The following NBEA variants were observed in gnomAD, a reference collection of about 807,000 sequenced individuals.
NBEA encodes the protein neurobeachin.
NBEA carries 44 observed loss-of-function variants against 343.4 expected under a neutral mutation model. That is an observed-to-expected ratio of 0.13 (90% CI 0.10 to 0.16). The LOEUF (loss-of-function observed/expected upper bound fraction) is 0.16. NBEA is among the 10% of genes least tolerant of loss of function. NBEA has a pLI of 1.00. For missense variants in NBEA, 2,555 were observed against 3,631.3 expected (o/e 0.70, Z 7.62); for synonymous variants, 1,175 against 1,238.7 (o/e 0.95, Z 1.08).
At chr13:35,281,998 C>T (rs2035083713) in intron 34 of NBEA, among the ~76,000 whole-genome samples, 1 of 151,938 alleles carries the variant, frequency 6.6e-6, no homozygotes, top group South Asian at 2.1e-4. Context: ...CTGCAAGCTC[C>T]ACCTTCCGGG....
In NBEA at chr13:35,324,982, T is replaced by C. The variant is rs183711641; in HGVS notation, c.5903+15390T>C. 2.2e-3 allele frequency among the ~76,000 whole-genome samples: 335 copies of C among 152,212 alleles called. 3 individuals are homozygous for C. Among genetic ancestry groups the C allele is most frequent in the African/African-American group, 7.7e-3 (322 of 41,552 alleles). On this transcript the variant is annotated intron_variant, in intron 36 of 58. Transcript: ENST00000379939. ...TCTAATGAAGCAAATGTGGTCCTAA[T>C]TTTAGTTGGAAAAGATAAAATCTGT...
chr13:35,610,194 G>A (rs563507438), intron 48 of NBEA, among the ~76,000 whole-genome samples: 21 of 152,198 alleles, frequency 1.4e-4, no homozygotes, highest in African/African-American at 4.6e-4. Context: ...GGCAAAACAG[G>A]CTTTAAAGAT....
At chr13:35,512,889 G>GC (rs1433564177) in intron 41 of NBEA, among the ~76,000 whole-genome samples, 1 of 152,206 alleles carries the variant, frequency 6.6e-6, no homozygotes, top group Non-Finnish European at 1.5e-5. Flanking sequence ...TCAGAAGGCA[G>GC]CTGCAGGCTG....
chr13:35,032,969 T>C (rs1378819859), intron 1 of NBEA, among the ~76,000 whole-genome samples: 3 of 151,844 alleles, frequency 2.0e-5, no homozygotes. Flanking sequence ...CTTCACTTTG[T>C]TGATTGTTTC....
chr13:35,536,925 G>A (rs368567629), intron 41 of NBEA, among the ~76,000 whole-genome samples: 136 of 152,260 alleles, frequency 8.9e-4, no homozygotes, highest in Middle Eastern at 3.4e-3. Context: ...TTCTAAATCC[G>A]ATATACCCCT....
At chr13:35,144,136 G>A (rs1231855507) in intron 18 of NBEA, among the ~76,000 whole-genome samples, 1 of 152,164 alleles carries the variant, frequency 6.6e-6, no homozygotes, top group Non-Finnish European at 1.5e-5. Context: ...TTAAGGAAAA[G>A]TACAGAGAGT....
At chr13:35,573,952 T>C (rs1444376969) in intron 45 of NBEA, among the ~76,000 whole-genome samples, 1 of 152,316 alleles carries the variant, frequency 6.6e-6, no homozygotes, top group East Asian at 1.9e-4. Flanking sequence ...ATCTTGAAAC[T>C]AATTTGTAGC....
In NBEA at chr13:35,671,624, C is replaced by G. The variant is rs1480598465; in HGVS notation, c.*633C>G. On this transcript the variant is annotated 3_prime_UTR_variant, in exon 59 of 59. Coordinates refer to ENST00000379939, the MANE Select transcript of NBEA (RefSeq NM_001385012.1). ...CTTGTATGAAAGGGTTGAATTTGGG[C>G]TCCATCAGTAATTTTTGACATTTTC... 6.6e-6 allele frequency: 1 copy of G among 152,610 alleles called. No homozygotes were observed. Among genetic ancestry groups the G allele is most frequent in the Non-Finnish European group, 1.5e-5 (1 of 68,038 alleles). The allele number at this position is 152,610 out of a possible 1,614,324, so 9.5% of individuals were successfully genotyped here. A position where few individuals can be genotyped will look rare whatever the true frequency, so the allele number is the denominator to read the frequency against.
chr13:35,537,397 A>T (rs909289064), intron 41 of NBEA, among the ~76,000 whole-genome samples: 1 of 152,140 alleles, frequency 6.6e-6, no homozygotes, highest in Non-Finnish European at 1.5e-5. Flanking sequence ...ATCATTCAAC[A>T]GATTTTTTAC....
chr13:35,080,623 G>A (rs1451540850), intron 10 of NBEA, among the ~76,000 whole-genome samples: 4 of 152,270 alleles, frequency 2.6e-5, no homozygotes, highest in East Asian at 1.9e-4. Context: ...ATAGCAGTTT[G>A]GGTATTTGGT....
At chr13:35,270,869 A>G (rs1423888670) in intron 34 of NBEA, among the ~76,000 whole-genome samples, 1 of 152,212 alleles carries the variant, frequency 6.6e-6, no homozygotes, top group African/African-American at 2.4e-5. Flanking sequence ...AGAGCCCACC[A>G]CAGCCCAGCA....
intron 34 of NBEA, among the ~76,000 whole-genome samples, chr13:35,286,354 A>T (rs73169718): frequency 6.6e-6 from 1 of 152,068 alleles, no homozygotes; most frequent in Non-Finnish European, 1.5e-5. Context: ...ATATTTACTG[A>T]TAATATATTC....
rs143263254 is a variant in NBEA at position 34,954,468 on chromosome 13, A to G, written c.294+11354A>G. ...TATAGTTAGTTTGCTTGTTTCAGTC[A>G]TATTCAGCTTCGGCACAAATCTTAT... On this transcript the variant is annotated intron_variant, in intron 1 of 58. Coordinates refer to ENST00000379939, the MANE Select transcript of NBEA (RefSeq NM_001385012.1). 3.8e-3 allele frequency among the ~76,000 whole-genome samples: 573 copies of G among 152,308 alleles called. 3 individuals carry two copies. Among genetic ancestry groups the G allele is most frequent in the African/African-American group, 0.013 (553 of 41,570 alleles).
chr13:35,016,379 G>A (rs2061657859), intron 1 of NBEA, among the ~76,000 whole-genome samples: 1 of 152,086 alleles, frequency 6.6e-6, no homozygotes, highest in Non-Finnish European at 1.5e-5. Context: ...ACATCTAACT[G>A]GGATGTATAC....
Position 35,040,974 on chromosome 13 carries a change from C to T in NBEA, c.336C>T (p.Ile112=), listed in dbSNP as rs754269165. The change falls in exon 2 of 59, where the codon ATC becomes ATT. Residue 112 remains isoleucine, a synonymous_variant. Coordinates refer to ENST00000379939, the MANE Select transcript of NBEA (RefSeq NM_001385012.1). The part of the protein sequence containing the change: ...GEFDLEMNFI[I]QDAESITCMT... Reference sequence around the variant, plus strand: ...TTGACTTGGAGATGAACTTTATTATCCAGGATGCTGAGAGTATAACATGTA... The same window carrying T: ...TTGACTTGGAGATGAACTTTATTATTCAGGATGCTGAGAGTATAACATGTA... 6.2e-7 allele frequency: 1 copy of T among 1,613,090 alleles called. No individual in the cohort carries two copies. The highest frequency in any genetic ancestry group is 1.1e-5 in the South Asian group (1 of 91,052).
chr13:35,613,269 G>A (rs1253037001), intron 48 of NBEA, among the ~76,000 whole-genome samples: 1 of 150,432 alleles, frequency 6.6e-6, no homozygotes. Flanking sequence ...GACTTTTTTA[G>A]ATTCCATACA....
chr13:35,550,553 T>G lies in NBEA; in HGVS notation c.6662T>G (p.Leu2221Arg). The change falls in exon 42 of 59, where the codon CTT (leucine) becomes CGT (arginine). Residue 2221 changes from leucine to arginine, a missense_variant. By Grantham distance (102) the Leu-to-Arg change is moderately radical. Transcript: ENST00000379939. ...CGAGCTGTATTTTCAAGACGTTACCTTCTACAAAACACTGCTTTGGAAGTA... is the reference window on the plus strand; with the variant it reads ...CGAGCTGTATTTTCAAGACGTTACCGTCTACAAAACACTGCTTTGGAAGTA... ...EIRAVFSRRYLLQNTALEVFM... is the reference protein window; with the variant it reads ...EIRAVFSRRYRLQNTALEVFM... 5 of 1,613,334 alleles carry G rather than the reference T, an allele frequency of 3.1e-6. No homozygotes were observed. Among genetic ancestry groups the G allele is most frequent in the Non-Finnish European group, 4.2e-6 (5 of 1,179,436 alleles).
At chr13:35,287,267 C>A (rs1004678305) in intron 34 of NBEA, among the ~76,000 whole-genome samples, 6 of 152,012 alleles carry the variant, frequency 3.9e-5, no homozygotes, top group Non-Finnish European at 1.5e-5. Context: ...ACTTTGCCTG[C>A]ACTCCTAACT....
intron 33 of NBEA, among the ~76,000 whole-genome samples, chr13:35,213,849 A>G (rs1428528512): frequency 6.6e-6 from 1 of 151,986 alleles, no homozygotes; most frequent in Non-Finnish European, 1.5e-5. Flanking sequence ...CACCACAATC[A>G]AGATGTAGAA....
Sources: gnomAD v4.1 joint callset for allele counts (sites outside exome capture counted in the v4.1 genomes callset) on GRCh38, gnomAD v4.1.1 for gene constraint, MANE v1.5 for transcripts, NCBI Gene and HGNC (gene_info 2026-07-23, HGNC 2026-07-21) for gene names.